GRM7: variants seen among roughly 807,000 people sequenced by gnomAD.
GRM7 encodes the protein glutamate metabotropic receptor 7, also known as metabotropic glutamate receptor 7.
Under a neutral mutation model 84.5 loss-of-function variants are expected in GRM7, and 35 were observed. The observed-to-expected ratio is 0.41, with a 90% CI of 0.32 to 0.55. GRM7 has a LOEUF of 0.55. Among genes scored for constraint, GRM7 ranks in the 20% least tolerant of loss-of-function variants. The pLI is 0.19. For missense variants in GRM7, 1,003 were observed against 1,194.6 expected (o/e 0.84, Z 2.36); for synonymous variants, 487 against 455.1 (o/e 1.07, Z -0.89).
At chr3:6,927,152 G>A (rs759387678) in intron 1 of GRM7, among the ~76,000 whole-genome samples, 4 of 152,144 alleles carry the variant, frequency 2.6e-5, no homozygotes, top group Non-Finnish European at 4.4e-5. Context: ...ATGAAGCTGG[G>A]CATGGTGGCT....
chr3:6,998,985 A>G (rs1038681270), intron 1 of GRM7, among the ~76,000 whole-genome samples: 3 of 152,198 alleles, frequency 2.0e-5, no homozygotes, highest in Admixed American at 1.3e-4. Flanking sequence ...ATTTGGCTCC[A>G]TGTTACTTCT....
At chr3:7,606,229 C>T (rs900410347) in intron 8 of GRM7, among the ~76,000 whole-genome samples, 2 of 152,152 alleles carry the variant, frequency 1.3e-5, no homozygotes, top group Non-Finnish European at 2.9e-5. Context: ...AGTAACAGAG[C>T]AAATGAACCA....
At chr3:7,065,951 A>G (rs1697639319) in intron 1 of GRM7, among the ~76,000 whole-genome samples, 1 of 151,892 alleles carries the variant, frequency 6.6e-6, no homozygotes, top group African/African-American at 2.4e-5. Context: ...TGAAATCAAG[A>G]TGGAAATTAA....
intron 1 of GRM7, among the ~76,000 whole-genome samples, chr3:6,884,604 T>G (rs1695623692): frequency 6.6e-6 from 1 of 152,114 alleles, no homozygotes; most frequent in Non-Finnish European, 1.5e-5. Flanking sequence ...CTTTTCCTCT[T>G]TATTTTTTTT....
At chr3:7,231,378 T>C (rs1697192514) in intron 2 of GRM7, among the ~76,000 whole-genome samples, 2 of 152,164 alleles carry the variant, frequency 1.3e-5, no homozygotes, top group South Asian at 4.1e-4. Flanking sequence ...AAATTGGCCA[T>C]CTCCAACAGA....
At chr3:7,426,957 T>C (rs986528278) in intron 5 of GRM7, among the ~76,000 whole-genome samples, 15 of 152,234 alleles carry the variant, frequency 9.9e-5, no homozygotes, top group African/African-American at 3.6e-4. Context: ...TTTGTGCTTG[T>C]GTTTCCCTAA....
At chr3:6,939,020 G>A (rs951836453) in intron 1 of GRM7, among the ~76,000 whole-genome samples, 3 of 152,132 alleles carry the variant, frequency 2.0e-5, no homozygotes, top group African/African-American at 7.2e-5. Flanking sequence ...AAATGTATAA[G>A]CAGAATACCA....
intron 1 of GRM7, among the ~76,000 whole-genome samples, chr3:6,968,608 CATT>C (rs1479832608): frequency 2.0e-5 from 3 of 152,136 alleles, no homozygotes; most frequent in Non-Finnish European, 1.5e-5. Context: ...GTATCAGGAT[CATT>C]ATTTTAATAT....
At chr3:7,635,179 C>A (rs986690698) in intron 8 of GRM7, among the ~76,000 whole-genome samples, 12 of 152,190 alleles carry the variant, frequency 7.9e-5, no homozygotes, top group African/African-American at 2.9e-4. Flanking sequence ...CCATCTGGAA[C>A]AGCACAGCTA....
intron 8 of GRM7, among the ~76,000 whole-genome samples, chr3:7,676,860 C>A (rs1700141694): frequency 1.3e-5 from 2 of 152,172 alleles, no homozygotes; most frequent in African/African-American, 2.4e-5. Flanking sequence ...GTAGACTATG[C>A]CACCAAGATT....
At chr3:7,724,124 T>A (rs1702042949) in intron 9 of GRM7, among the ~76,000 whole-genome samples, 1 of 152,100 alleles carries the variant, frequency 6.6e-6, no homozygotes, top group African/African-American at 2.4e-5. Flanking sequence ...GTTGCTCTGA[T>A]CAGCCATAGG....
At chr3:7,550,142 A>C (rs17047584) in intron 7 of GRM7, among the ~76,000 whole-genome samples, 44,737 of 151,272 alleles carry the variant, frequency 0.3, 7,010 homozygotes, top group Middle Eastern at 0.4. Context: ...TGTCCATGTA[A>C]GTGCAGAGAG....
intron 1 of GRM7, among the ~76,000 whole-genome samples, chr3:6,942,091 A>G (rs1464396277): frequency 6.6e-6 from 1 of 152,136 alleles, no homozygotes; most frequent in Non-Finnish European, 1.5e-5. Flanking sequence ...ATGTTGTATT[A>G]TCAAATGCTT....
chr3:7,079,595 A>G (rs532862254), intron 1 of GRM7, among the ~76,000 whole-genome samples: 107 of 152,244 alleles, frequency 7.0e-4, no homozygotes, highest in Admixed American at 4.9e-3. Context: ...CATGCCTAGT[A>G]GGCAGACAGT....
At chr3:7,439,363 C>T (rs371481799) in intron 5 of GRM7, among the ~76,000 whole-genome samples, 1 of 152,134 alleles carries the variant, frequency 6.6e-6, no homozygotes, top group East Asian at 1.9e-4. Context: ...TGTAACGTAG[C>T]CCATGGTGTC....
chr3:7,413,837 AAATAAT>A (rs372186564), intron 4 of GRM7, among the ~76,000 whole-genome samples: 10 of 152,034 alleles, frequency 6.6e-5, no homozygotes, highest in African/African-American at 2.2e-4. Flanking sequence ...GGGAACTTGA[AAATAAT>A]AATAATAATA....
intron 1 of GRM7, among the ~76,000 whole-genome samples, chr3:7,055,614 T>G (rs1574842502): frequency 6.6e-6 from 1 of 151,340 alleles, no homozygotes; most frequent in African/African-American, 2.4e-5. Context: ...TCCACCTCCC[T>G]GGATCAAGCA....
At chr3:7,584,934 C>A (rs1021472592) in intron 8 of GRM7, among the ~76,000 whole-genome samples, 5 of 152,234 alleles carry the variant, frequency 3.3e-5, no homozygotes, top group African/African-American at 1.2e-4. Flanking sequence ...CTCTCATTAT[C>A]CCACACCCTA....
At chr3:7,147,242 T>C (rs1694139388) in intron 2 of GRM7, among the ~76,000 whole-genome samples, 1 of 152,214 alleles carries the variant, frequency 6.6e-6, no homozygotes, top group South Asian at 2.1e-4. Context: ...CTTACGTTTG[T>C]TTATTTAGCT....
Sources: allele counts gnomAD v4.1 joint callset (sites outside exome capture counted in the v4.1 genomes callset), GRCh38; gene constraint gnomAD v4.1.1; transcripts MANE v1.5; gene names NCBI Gene and HGNC (gene_info 2026-07-23, HGNC 2026-07-21).